Variants in PEBP4 observed in about 807,000 individuals in gnomAD.
The protein encoded by PEBP4 is phosphatidylethanolamine binding protein 4.
In PEBP4, 22 loss-of-function variants were observed where a neutral mutation model predicts 23.9. That is an observed-to-expected ratio of 0.92 (90% CI 0.66 to 1.31). The LOEUF (loss-of-function observed/expected upper bound fraction) is 1.31. PEBP4 is among the 40% of genes most tolerant of loss of function. The probability of loss-of-function intolerance (pLI) is 0.00; values close to 1 mark genes in which losing one functional copy is unlikely to be tolerated. For missense variants in PEBP4, 324 were observed against 281.7 expected, an observed-to-expected ratio of 1.15 and a Z score of -1.07; for synonymous variants, 112 against 99.3, an observed-to-expected ratio of 1.13 and a Z score of -0.76.
At chr8:22,820,236 A>ATAGTCAT (rs1806830608) in intron 3 of PEBP4, among the ~76,000 whole-genome samples, 1 of 152,196 alleles carries the variant, frequency 6.6e-6, no homozygotes, top group Non-Finnish European at 1.5e-5. Flanking sequence ...AAGGTGTGAG[A>ATAGTCAT]TAGTCATTTA....
intron 3 of PEBP4, among the ~76,000 whole-genome samples, chr8:22,820,146 C>T (rs139804299): frequency 2.1e-3 from 315 of 152,074 alleles, no homozygotes; most frequent in Admixed American, 3.9e-3. Flanking sequence ...AATTGTCTTC[C>T]GATTGCTTCT....
At chr8:22,842,643 G>A (rs74872428) in intron 3 of PEBP4, among the ~76,000 whole-genome samples, 3 of 152,096 alleles carry the variant, frequency 2.0e-5, no homozygotes, top group Non-Finnish European at 4.4e-5. Flanking sequence ...ATCCCAACAG[G>A]CCTGCACAGC....
intron 1 of PEBP4, among the ~76,000 whole-genome samples, chr8:22,939,598 G>T (rs1585165233): frequency 6.6e-6 from 1 of 151,756 alleles, no homozygotes; most frequent in Non-Finnish European, 1.5e-5. Flanking sequence ...TCTGTTACAG[G>T]GTATCTGCAC....
intron 4 of PEBP4, among the ~76,000 whole-genome samples, chr8:22,772,491 C>CTTTTTTT (rs1171525883): frequency 1.1e-5 from 1 of 93,432 alleles, no homozygotes; most frequent in Non-Finnish European, 2.3e-5. Flanking sequence ...CTCTCTCTCT[C>CTTTTTTT]TCTTTTTTTT....
intron 3 of PEBP4, among the ~76,000 whole-genome samples, chr8:22,897,027 A>ATGTG (rs140900653): frequency 8.0e-5 from 12 of 149,112 alleles, no homozygotes; most frequent in African/African-American, 2.9e-4. Context: ...ATCTGTGTGT[A>ATGTG]TGTGTGTGTG....
chr8:22,751,614 G>C lies in PEBP4; in HGVS notation c.358-24394C>G, dbSNP rs553911497. The stretch of plus-strand genomic sequence containing the variant: ...TGTGTGTGTGTGTGTGTGTGTCTGT[G>C]TGTGTGTGTGTGTCTCTGTGTGTGT... On this transcript the variant is annotated intron_variant, in intron 4 of 6. Transcript: ENST00000256404. Among the ~76,000 whole-genome samples, 608 of 98,648 alleles carry C rather than the reference G, an allele frequency of 6.2e-3. 6 individuals are homozygous for C. Among genetic ancestry groups the C allele is most frequent in the African/African-American group, 0.02 (531 of 26,754 alleles). The allele number at this position is 98,648 out of a possible 152,430, so 64.7% of individuals were successfully genotyped here.
At chr8:22,891,519 G>A (rs1808494394) in intron 3 of PEBP4, among the ~76,000 whole-genome samples, 1 of 152,196 alleles carries the variant, frequency 6.6e-6, no homozygotes. Flanking sequence ...TCTGGGTGTG[G>A]GGATGACAAT....
chr8:22,866,514 G>A (rs1010110740), intron 3 of PEBP4, among the ~76,000 whole-genome samples: 4 of 152,056 alleles, frequency 2.6e-5, no homozygotes, highest in Non-Finnish European at 5.9e-5. Flanking sequence ...ACTTCTCTAG[G>A]TCTCAATATT....
At chr8:22,930,442 C>T (rs183764463), upstream of PEBP4, among the ~76,000 whole-genome samples, 218 of 152,228 alleles carry the variant, frequency 1.4e-3, no homozygotes, top group African/African-American at 5.2e-3. Context: ...ATCCCCCCAG[C>T]CTATAAGCTT....
At chr8:22,830,146 T>TG (rs56204367) in intron 3 of PEBP4, among the ~76,000 whole-genome samples, 1,551 of 150,728 alleles carry the variant, frequency 0.01, 20 homozygotes, top group African/African-American at 0.024. Context: ...TGTGTGTGTG[T>TG]TTTTACGGAG....
At chr8:22,890,116 G>A (rs182794064) in intron 3 of PEBP4, among the ~76,000 whole-genome samples, 2 of 152,340 alleles carry the variant, frequency 1.3e-5, no homozygotes, top group East Asian at 1.9e-4. Flanking sequence ...CCTGGAAGGA[G>A]ATAGGTGATG....
chr8:22,734,166 T>C (rs538136737), intron 4 of PEBP4, among the ~76,000 whole-genome samples: 3 of 152,302 alleles, frequency 2.0e-5, no homozygotes, highest in Admixed American at 6.5e-5. Context: ...AAAGGGTAAG[T>C]GAGCGGAAGG....
intron 3 of PEBP4, among the ~76,000 whole-genome samples, chr8:22,845,136 G>A (rs1010561033): frequency 1.2e-4 from 18 of 152,162 alleles, no homozygotes; most frequent in African/African-American, 4.1e-4. Context: ...CCCTATATCA[G>A]CCTTCTAGTC....
At chr8:22,904,894 G>C (rs984118457) in intron 3 of PEBP4, among the ~76,000 whole-genome samples, 2 of 152,044 alleles carry the variant, frequency 1.3e-5, no homozygotes, top group African/African-American at 4.8e-5. Flanking sequence ...CATTTAAGAC[G>C]ATTTTCTTTT....
intron 3 of PEBP4, chr8:22,878,221 G>C (rs1808167344): frequency 6.6e-6 from 1 of 151,848 alleles, no homozygotes; most frequent in South Asian, 2.1e-4. Context: ...GGAGAGGGAG[G>C]GGGAGAGGGA....
chr8:22,825,001 G>A (rs959713282), intron 3 of PEBP4, among the ~76,000 whole-genome samples: 1 of 152,172 alleles, frequency 6.6e-6, no homozygotes, highest in Non-Finnish European at 1.5e-5. Context: ...ATATCCTGAG[G>A]TTTACCCTAG....
chr8:22,749,696 C>A (rs939822129), intron 4 of PEBP4, among the ~76,000 whole-genome samples: 1 of 152,156 alleles, frequency 6.6e-6, no homozygotes, highest in Admixed American at 6.5e-5. Context: ...CCAGGTCCAC[C>A]CCCTGCCTTT....
chr8:22,768,123 T>C (rs138012270), intron 4 of PEBP4, among the ~76,000 whole-genome samples: 2,331 of 152,288 alleles, frequency 0.015, 30 homozygotes, highest in Non-Finnish European at 0.022. Flanking sequence ...ATTCCCTAAA[T>C]GCCCTAGGGT....
chr8:22,725,999 A>ATATGTGTGTG (rs1554478538), intron 5 of PEBP4, among the ~76,000 whole-genome samples: 2 of 146,330 alleles, frequency 1.4e-5, no homozygotes, highest in Admixed American at 1.4e-4. Context: ...GATCAGATAT[A>ATATGTGTGTG]TGTGTGTGTG....
Sources: allele counts gnomAD v4.1 joint callset (sites outside exome capture counted in the v4.1 genomes callset), GRCh38; gene constraint gnomAD v4.1.1; transcripts MANE v1.5; gene names NCBI Gene and HGNC (gene_info 2026-07-23, HGNC 2026-07-21).